DLGAP1: variants seen among roughly 807,000 people sequenced by gnomAD.
DLGAP1 encodes the protein disks large-associated protein 1.
In DLGAP1, 11 loss-of-function variants were observed where a neutral mutation model predicts 90.8. The ratio of observed to expected loss-of-function variants is 0.12; its 90% CI spans 0.08 to 0.20. The LOEUF (loss-of-function observed/expected upper bound fraction) is 0.20, where lower values mean the gene tolerates loss of function less well. Ranked by LOEUF, DLGAP1 falls within the 10% of genes least tolerant of loss-of-function variation. The pLI, the probability that DLGAP1 is intolerant of heterozygous loss-of-function variation, is 1.00. For synonymous variants in DLGAP1, 558 were observed against 540.7 expected, an observed-to-expected ratio of 1.03 and a Z score of -0.44; for missense variants, 1,050 against 1,333.8, an observed-to-expected ratio of 0.79 and a Z score of 3.31.
At chr18:4,160,218 G>A (rs951960904) in intron 1 of DLGAP1, among the ~76,000 whole-genome samples, 2 of 152,174 alleles carry the variant, frequency 1.3e-5, no homozygotes, top group Admixed American at 1.3e-4. Flanking sequence ...TGGAGATTTT[G>A]ATATTTGTTG....
At chr18:4,406,490 A>T (rs899896090) in intron 1 of DLGAP1, among the ~76,000 whole-genome samples, 1 of 152,100 alleles carries the variant, frequency 6.6e-6, no homozygotes, top group African/African-American at 2.4e-5. Context: ...CGGTGAAACA[A>T]CTCTGTGAGG....
chr18:3,602,895 T>C (rs2057139204), intron 7 of DLGAP1: 1 of 152,180 alleles, frequency 6.6e-6, no homozygotes, highest in Admixed American at 6.6e-5. Flanking sequence ...ATCCTGCGTG[T>C]TGTGTGCTGG....
chr18:4,311,161 A>G (rs538657321), intron 1 of DLGAP1, among the ~76,000 whole-genome samples: 1 of 152,352 alleles, frequency 6.6e-6, no homozygotes, highest in South Asian at 2.1e-4. Context: ...CCTACTTGAT[A>G]AGATGTGTTC....
chr18:3,521,615 C>T (rs1276848072), intron 10 of DLGAP1, among the ~76,000 whole-genome samples: 1 of 152,134 alleles, frequency 6.6e-6, no homozygotes, highest in East Asian at 1.9e-4. Flanking sequence ...TGCCAGAAAG[C>T]CTTACCTCCT....
intron 1 of DLGAP1, among the ~76,000 whole-genome samples, chr18:4,391,822 C>G (rs985514632): frequency 6.6e-6 from 1 of 152,146 alleles, no homozygotes; most frequent in Admixed American, 6.5e-5. Context: ...GTCTCCAGAA[C>G]AGTAGTTTAC....
At chr18:4,415,162 A>C (rs925922044) in intron 1 of DLGAP1, among the ~76,000 whole-genome samples, 8 of 152,124 alleles carry the variant, frequency 5.3e-5, no homozygotes, top group Non-Finnish European at 1.2e-4. Context: ...ATACTCTATA[A>C]ACCTTAGCAC....
chr18:4,021,717 G>A (rs2074613085), intron 2 of DLGAP1, among the ~76,000 whole-genome samples: 1 of 151,986 alleles, frequency 6.6e-6, no homozygotes, highest in African/African-American at 2.4e-5. Flanking sequence ...CCTGTCTTCA[G>A]CCTCCCAAGT....
rs73940241 is a variant in DLGAP1 at position 3,871,853 on chromosome 18, G to A, written c.957+7259C>T. On this transcript the variant is annotated intron_variant, in intron 4 of 12. Transcript: ENST00000315677. The stretch of plus-strand genomic sequence containing the variant: ...GTATTGTTGCAGGGATACCTATGCA[G>A]ATAGAAGGTGTATATATAAACCTGC... Among the ~76,000 whole-genome samples, 1,215 of 152,310 alleles carry A rather than the reference G, an allele frequency of 8.0e-3. 19 individuals carry two copies. Among genetic ancestry groups the A allele is most frequent in the African/African-American group, 0.028 (1,157 of 41,554 alleles).
At chr18:3,797,966 A>C (rs1337762501) in intron 5 of DLGAP1, among the ~76,000 whole-genome samples, 1 of 152,176 alleles carries the variant, frequency 6.6e-6, no homozygotes. Flanking sequence ...TGGTTTTATA[A>C]GGGGAAACCC....
At chr18:3,611,196 A>T (rs540978401) in intron 7 of DLGAP1, among the ~76,000 whole-genome samples, 1 of 152,156 alleles carries the variant, frequency 6.6e-6, no homozygotes, top group East Asian at 1.9e-4. Flanking sequence ...TATAGACTCA[A>T]ATTATCAAGG....
At chr18:4,229,099 A>T (rs1440144678) in intron 1 of DLGAP1, among the ~76,000 whole-genome samples, 1 of 152,038 alleles carries the variant, frequency 6.6e-6, no homozygotes, top group Non-Finnish European at 1.5e-5. Flanking sequence ...CTACACATAA[A>T]ATTAAATACC....
At chr18:4,428,001 T>A (rs1429647243) in intron 1 of DLGAP1, among the ~76,000 whole-genome samples, 1 of 152,180 alleles carries the variant, frequency 6.6e-6, no homozygotes, top group Non-Finnish European at 1.5e-5. Context: ...TGTATTAAAT[T>A]TCACTTAACT....
At position 3,940,977 on chromosome 18, in the gene DLGAP1, G is replaced by A. The variant is rs140597823; in HGVS notation, c.-72-60837C>T. 5.8e-4 allele frequency among the ~76,000 whole-genome samples: 88 copies of A among 152,298 alleles called. No homozygotes were observed. The East Asian group carries it at 6.8e-3, about 12-fold the overall frequency. ...TGTCCTGAGGGATTGGCATATGAAA[G>A]ATCCTGTTGGTCTATTGAGCAGCTC... On this transcript the variant is annotated intron_variant, in intron 3 of 12. Transcript: ENST00000315677.
chr18:4,306,986 C>A (rs1049319175), intron 1 of DLGAP1, among the ~76,000 whole-genome samples: 1 of 152,160 alleles, frequency 6.6e-6, no homozygotes, highest in Non-Finnish European at 1.5e-5. Context: ...AAAAGGCATA[C>A]AATTTGATTT....
intron 5 of DLGAP1, among the ~76,000 whole-genome samples, chr18:3,755,150 G>T (rs1001881373): frequency 2.0e-5 from 3 of 151,862 alleles, no homozygotes; most frequent in African/African-American, 7.3e-5. Context: ...AAAATATTTA[G>T]TAAAGAAAAC....
chr18:3,518,444 CAG>C, intron 10 of DLGAP1, among the ~76,000 whole-genome samples: 1 of 151,742 alleles, frequency 6.6e-6, no homozygotes, highest in South Asian at 2.1e-4. Context: ...GACACAAAAA[CAG>C]AAAATGAGCA....
chr18:3,924,683 A>T (rs899657075), intron 3 of DLGAP1, among the ~76,000 whole-genome samples: 17 of 152,156 alleles, frequency 1.1e-4, no homozygotes, highest in Admixed American at 9.2e-4. Flanking sequence ...TGATGCAGCC[A>T]AATCTGTTTC....
At chr18:4,019,810 T>TGC (rs1302130698) in intron 2 of DLGAP1, among the ~76,000 whole-genome samples, 2 of 141,446 alleles carry the variant, frequency 1.4e-5, no homozygotes, top group South Asian at 2.5e-4. Context: ...CGCGCGCGTG[T>TGC]GCGCGCACAC....
chr18:4,386,634 G>A (rs1472848111), intron 1 of DLGAP1, among the ~76,000 whole-genome samples: 2 of 152,140 alleles, frequency 1.3e-5, no homozygotes, highest in Non-Finnish European at 2.9e-5. Context: ...GGGAAAATAT[G>A]GGCATGAGTT....
Sources: gnomAD v4.1 joint callset for allele counts (sites outside exome capture counted in the v4.1 genomes callset) on GRCh38, gnomAD v4.1.1 for gene constraint, MANE v1.5 for transcripts, NCBI Gene and HGNC (gene_info 2026-07-23, HGNC 2026-07-21) for gene names.